The following SOX6 variants were observed in gnomAD, a reference collection of about 807,000 sequenced individuals.
SOX6 encodes transcription factor SOX-6.
A neutral mutation model predicts 97.8 loss-of-function variants in SOX6; 11 were observed. That is an observed-to-expected ratio of 0.11 (90% CI 0.07 to 0.19). The LOEUF is 0.19. SOX6 is among the 10% of genes least tolerant of loss of function. The probability of loss-of-function intolerance (pLI) is 1.00; values close to 1 mark genes in which losing one functional copy is unlikely to be tolerated. For missense variants in SOX6, 810 were observed against 1,039.5 expected (o/e 0.78, Z 3.04); for synonymous variants, 360 against 371.4 (o/e 0.97, Z 0.35).
In SOX6 at chr11:15,967,469, AAG is replaced by A. The variant is rs1853170939; in HGVS notation, c.*5338_*5339del. 6.6e-6 allele frequency: 1 copy of A among 152,262 alleles called. No individual in the cohort carries two copies. The highest frequency in any genetic ancestry group is 1.5e-5 in the Non-Finnish European group (1 of 68,048). 9.4% of individuals were successfully genotyped at this position (152,262 alleles called of 1,614,324 possible). On this transcript the variant is annotated 3_prime_UTR_variant, in exon 16 of 16. Coordinates refer to ENST00000683767, the MANE Select transcript of SOX6 (RefSeq NM_001367873.1). ...CAAATTACAACGTCGGGGGAAATAAAAGAGTTACAGTAAGATAAGTTATGTAG... is the reference window on the plus strand; with the variant it reads ...CAAATTACAACGTCGGGGGAAATAAAAGTTACAGTAAGATAAGTTATGTAG...
At chr11:16,283,892 C>T (rs1854654478) in intron 3 of SOX6, 1 of 430,948 alleles carries the variant, frequency 2.3e-6, no homozygotes, top group Non-Finnish European at 4.6e-6. Context: ...AACTAAGGTA[C>T]TCCAGAAATC....
intron 6 of SOX6, among the ~76,000 whole-genome samples, chr11:16,119,305 C>G (rs1239763010): frequency 1.3e-5 from 2 of 152,172 alleles, no homozygotes; most frequent in Non-Finnish European, 2.9e-5. Context: ...TCTCACTTGA[C>G]AGGATAAATT....
chr11:16,499,232 T>C (rs1018987409), intron 4 of SOX6, among the ~76,000 whole-genome samples: 4 of 151,486 alleles, frequency 2.6e-5, no homozygotes, highest in East Asian at 1.9e-4. Context: ...GAAACGAAGG[T>C]TGAAATAAAG....
chr11:16,186,711 A>G (rs1851486976), intron 5 of SOX6, 72 bp downstream of exon 5: 15 of 1,504,942 alleles, frequency 1.0e-5, no homozygotes, highest in Non-Finnish European at 1.4e-5. Context: ...AAATAAGCCA[A>G]TCAATTTGAT....
chr11:16,312,750 A>C (rs1438411942), intron 3 of SOX6: 1 of 151,860 alleles, frequency 6.6e-6, no homozygotes, highest in Non-Finnish European at 1.5e-5. Flanking sequence ...AGTCCTTTTT[A>C]AAGTATTCAT....
chr11:16,703,000 G>A (rs1366528536), intron 3 of SOX6, among the ~76,000 whole-genome samples: 1 of 150,626 alleles, frequency 6.6e-6, no homozygotes, highest in Non-Finnish European at 1.5e-5. Flanking sequence ...CATTTGCCTT[G>A]AACATTTAGC....
chr11:16,279,406 T>A (rs550422128), intron 3 of SOX6, among the ~76,000 whole-genome samples: 1 of 152,214 alleles, frequency 6.6e-6, no homozygotes, highest in African/African-American at 2.4e-5. Flanking sequence ...TCCTCCAGTT[T>A]TTAGACTATC....
rs1408552401 is a variant in SOX6 at position 16,695,567 on chromosome 11, A to G, written n.429+19263T>C. On this transcript the variant is annotated intron_variant and non_coding_transcript_variant, in intron 3 of 5. Transcript: ENST00000524520. ...GAAAGACAGGAAATACCAGACCACC[A>G]TTATTGCCTGATGGCAAGAGACAGA... 3.3e-5 allele frequency among the ~76,000 whole-genome samples: 5 copies of G among 152,316 alleles called. No individual in the cohort carries two copies. In the East Asian group the frequency reaches 7.7e-4, roughly 23 times the overall value.
intron 2 of SOX6, among the ~76,000 whole-genome samples, chr11:16,335,476 G>A (rs1036558207): frequency 6.6e-6 from 1 of 152,150 alleles, no homozygotes; most frequent in Admixed American, 6.6e-5. Context: ...CCAAGTGAAC[G>A]AGTGGGTTTC....
At chr11:16,245,989 T>C (rs1392127650) in intron 3 of SOX6, among the ~76,000 whole-genome samples, 1 of 151,446 alleles carries the variant, frequency 6.6e-6, no homozygotes, top group Non-Finnish European at 1.5e-5. Context: ...TGTTCCTTTG[T>C]TCCTCTTTTC....
At chr11:16,384,753 A>T (rs893516522) in intron 1 of SOX6, among the ~76,000 whole-genome samples, 2 of 152,078 alleles carry the variant, frequency 1.3e-5, no homozygotes, top group Admixed American at 1.3e-4. Flanking sequence ...GTAATCACTG[A>T]CATTGAACAA....
chr11:16,178,295 T>G lies in SOX6; in HGVS notation c.777+5591A>C, dbSNP rs1851252864. ...TAGTCATAATTATAGCAGCTTTACC[T>G]ATTCTTTATAACCCAGAAACTTTAT... On this transcript the variant is annotated intron_variant, in intron 6 of 15. Coordinates refer to ENST00000683767, the MANE Select transcript of SOX6 (RefSeq NM_001367873.1). Among the ~76,000 whole-genome samples, 5 of 152,018 alleles carry G rather than the reference T, an allele frequency of 3.3e-5. No individual in the cohort carries two copies. In the South Asian group the frequency reaches 1.0e-3, roughly 31 times the overall value.
At chr11:16,223,363 A>T (rs999969267) in intron 4 of SOX6, among the ~76,000 whole-genome samples, 1 of 152,118 alleles carries the variant, frequency 6.6e-6, no homozygotes, top group African/African-American at 2.4e-5. Context: ...CAAAAATGGG[A>T]CTAAATTTAC....
chr11:16,122,810 T>C (rs1315580589), intron 6 of SOX6, among the ~76,000 whole-genome samples: 1 of 152,076 alleles, frequency 6.6e-6, no homozygotes, highest in Non-Finnish European at 1.5e-5. Context: ...TTCAAGAACT[T>C]GTATTCTATG....
intron 15 of SOX6, among the ~76,000 whole-genome samples, chr11:15,984,221 A>G (rs1853756370): frequency 6.6e-6 from 1 of 152,204 alleles, no homozygotes. Context: ...ATGCATTGGT[A>G]CATGTTGTGG....
chr11:16,335,426 T>A (rs892298423), intron 2 of SOX6, among the ~76,000 whole-genome samples: 2 of 152,160 alleles, frequency 1.3e-5, no homozygotes, highest in African/African-American at 4.8e-5. Context: ...ACATAAATCT[T>A]ACCTTAGGAG....
At chr11:16,317,344 TA>T (rs1465184201) in intron 3 of SOX6, 1 of 151,688 alleles carries the variant, frequency 6.6e-6, no homozygotes, top group Non-Finnish European at 1.5e-5. Context: ...ACATATTCAT[TA>T]TTATTATTAA....
chr11:16,016,610 G>A (rs1433922800), intron 12 of SOX6, among the ~76,000 whole-genome samples: 1 of 152,064 alleles, frequency 6.6e-6, no homozygotes, highest in Non-Finnish European at 1.5e-5. Context: ...TATAAGCCTT[G>A]TGGGAGCTTC....
chr11:16,708,379 A>T (rs1318066911), intron 3 of SOX6, among the ~76,000 whole-genome samples: 2 of 152,228 alleles, frequency 1.3e-5, no homozygotes, highest in African/African-American at 4.8e-5. Flanking sequence ...TGCATCTGCC[A>T]AAGTGGCTTT....
Sources: gnomAD v4.1 joint callset for allele counts (sites outside exome capture counted in the v4.1 genomes callset) on GRCh38, gnomAD v4.1.1 for gene constraint, MANE v1.5 for transcripts, NCBI Gene and HGNC (gene_info 2026-07-23, HGNC 2026-07-21) for gene names.